C6orf89: variants seen among roughly 807,000 people sequenced by gnomAD.
The protein encoded by C6orf89 is bombesin receptor-activated protein C6orf89.
A neutral mutation model predicts 40.7 loss-of-function variants in C6orf89; 29 were observed. The observed-to-expected ratio is 0.71, with a 90% CI of 0.53 to 0.97. C6orf89 has a LOEUF of 0.97. C6orf89 is among the 50% of genes least tolerant of loss of function. The probability of loss-of-function intolerance (pLI) is 0.00; values close to 1 mark genes in which losing one functional copy is unlikely to be tolerated. For synonymous variants in C6orf89, 165 were observed against 152.2 expected (o/e 1.08, Z -0.62); for missense variants, 392 against 429.1 (o/e 0.91, Z 0.76).
At chr6:36,902,879 CTGGGTA>C (rs1761776457) in intron 4 of C6orf89, among the ~76,000 whole-genome samples, 1 of 152,182 alleles carries the variant, frequency 6.6e-6, no homozygotes. Context: ...AGGTTTTTGT[CTGGGTA>C]TATCCCACTC....
At chr6:36,882,930 G>A (rs541216206), upstream of C6orf89, among the ~76,000 whole-genome samples, 14 of 151,404 alleles carry the variant, frequency 9.2e-5, no homozygotes, top group African/African-American at 1.9e-4. Flanking sequence ...TAGTAGAGAC[G>A]GGGTTTCACC....
At chr6:36,873,061 T>G (rs1774551640) in intron 1 of C6orf89, among the ~76,000 whole-genome samples, 1 of 152,236 alleles carries the variant, frequency 6.6e-6, no homozygotes, top group African/African-American at 2.4e-5. Flanking sequence ...CTGCTCCCAT[T>G]CAACACAGAT....
At chr6:36,920,330 A>G (rs1762470139) in intron 8 of C6orf89, among the ~76,000 whole-genome samples, 1 of 152,208 alleles carries the variant, frequency 6.6e-6, no homozygotes, top group Non-Finnish European at 1.5e-5. Flanking sequence ...TGTTCCAAAG[A>G]AACAGGTTTG....
At chr6:36,880,670 C>T (rs1231440671) in intron 2 of C6orf89, among the ~76,000 whole-genome samples, 1 of 152,150 alleles carries the variant, frequency 6.6e-6, no homozygotes. Context: ...ACTGCTTTGA[C>T]TTTTGAAAAT....
At chr6:36,900,044 C>T (rs911878329) in intron 3 of C6orf89, among the ~76,000 whole-genome samples, 15 of 152,036 alleles carry the variant, frequency 9.9e-5, no homozygotes, top group Non-Finnish European at 1.9e-4. Flanking sequence ...TGCGCCACCA[C>T]ACCCAGCTAA....
intron 4 of C6orf89, among the ~76,000 whole-genome samples, 200 bp from the exon 5 acceptor site, chr6:36,914,084 C>T (rs1476726946): frequency 6.6e-6 from 1 of 152,170 alleles, no homozygotes; most frequent in Admixed American, 6.5e-5. Context: ...TCCCTTGAAC[C>T]CAGGAGGCAG....
chr6:36,913,325 C>T (rs555571163), intron 4 of C6orf89, among the ~76,000 whole-genome samples: 19 of 152,302 alleles, frequency 1.2e-4, no homozygotes, highest in African/African-American at 4.3e-4. Context: ...GCCCCACCCC[C>T]TCCTGAGCTG....
chr6:36,919,516 C>A, intron 7 of C6orf89, 62 bp from the exon 8 acceptor site: 2 of 1,556,402 alleles, frequency 1.3e-6, no homozygotes, highest in Non-Finnish European at 1.8e-6. Context: ...TTTACTAAAC[C>A]CCCTGGTTTT....
chr6:36,874,835 A>G (rs866672148), intron 1 of C6orf89: 1 of 1,567,242 alleles, frequency 6.4e-7, no homozygotes, highest in Non-Finnish European at 8.7e-7. Context: ...TTAGCTGGGG[A>G]CCCGTCGCTG....
chr6:36,889,214 A>G (rs1404146393), intron 1 of C6orf89, among the ~76,000 whole-genome samples: 1 of 152,210 alleles, frequency 6.6e-6, no homozygotes, highest in African/African-American at 2.4e-5. Flanking sequence ...CAGCTGCTGC[A>G]GAGAGGTCAG....
intron 1 of C6orf89, among the ~76,000 whole-genome samples, chr6:36,888,504 C>T (rs1775075791): frequency 1.3e-5 from 2 of 152,092 alleles, no homozygotes; most frequent in Admixed American, 1.3e-4. Flanking sequence ...TGTGGTGGCG[C>T]GTGCCTGTAC....
Position 36,925,579 on chromosome 6 carries a change from C to G in C6orf89, c.*2138C>G, listed in dbSNP as rs1583211634. 1 of 152,298 alleles carries G rather than the reference C, an allele frequency of 6.6e-6. No homozygotes were observed. The highest frequency in any genetic ancestry group is 2.4e-5 in the African/African-American group (1 of 41,572). The allele number at this position is 152,298 out of a possible 1,614,324, so 9.4% of individuals were successfully genotyped here. On this transcript the variant is annotated 3_prime_UTR_variant, in exon 9 of 9. Transcript: ENST00000480824. Reference sequence around the variant, plus strand: ...ATATACTACTCATTTTACTTAAAATCTACCCAGTTCAGACTTGAATGTAAA... The same window carrying G: ...ATATACTACTCATTTTACTTAAAATGTACCCAGTTCAGACTTGAATGTAAA...
In C6orf89 at chr6:36,910,390, A is replaced by T. The variant is rs548108126; in HGVS notation, c.404-3894A>T. On this transcript the variant is annotated intron_variant, in intron 4 of 8. Transcript: ENST00000480824. Reference sequence around the variant, plus strand: ...ATAGATGGTCACTTGTCCCAATTTGATTTATTGAATCTACCCTTTCCTCAC... The same window carrying T: ...ATAGATGGTCACTTGTCCCAATTTGTTTTATTGAATCTACCCTTTCCTCAC... 5.3e-5 allele frequency among the ~76,000 whole-genome samples: 8 copies of T among 152,256 alleles called. No homozygotes were observed. The South Asian group carries it at 1.2e-3, about 24-fold the overall frequency.
chr6:36,910,706 G>C (rs577363516), intron 4 of C6orf89, among the ~76,000 whole-genome samples: 1 of 150,290 alleles, frequency 6.7e-6, no homozygotes, highest in African/African-American at 2.5e-5. Context: ...CAGCCTGGGC[G>C]ACAGAGCAAG....
chr6:36,899,743 G>A lies in C6orf89; in HGVS notation c.189+110G>A, dbSNP rs1583167919. The A allele has an allele frequency of 2.8e-6, 3 of 1,079,106 alleles. No individual in the cohort carries two copies. The East Asian group carries it at 7.8e-5, about 28-fold the overall frequency. The allele number at this position is 1,079,106 out of a possible 1,614,324, so 66.8% of individuals were successfully genotyped here. On this transcript the variant is annotated intron_variant, in intron 3 of 8. Coordinates refer to ENST00000480824, the MANE Select transcript of C6orf89 (RefSeq NM_001286635.2). ...CACCACTGAGCATTGGTTTTTCCGTGAATAAATTGGCCTTTGCTCTTGTTA... is the reference window on the plus strand; with the variant it reads ...CACCACTGAGCATTGGTTTTTCCGTAAATAAATTGGCCTTTGCTCTTGTTA...
In C6orf89 at chr6:36,875,004, G is replaced by A. The variant is rs1774614169; in HGVS notation, c.-628+3037G>A. 1.3e-5 allele frequency: 7 copies of A among 542,418 alleles called. No homozygotes were observed. The South Asian group carries it at 1.6e-4, about 13-fold the overall frequency. The allele number at this position is 542,418 out of a possible 1,614,324, so 33.6% of individuals were successfully genotyped here. ...GGAAAATGCAAACTTCATTCGCGGT[G>A]GTCTCCAAGTGGCGATACCGCGCCA... is the stretch of plus-strand genomic sequence containing the variant. On this transcript the variant is annotated intron_variant, in intron 1 of 9. Coordinates refer to the C6orf89 transcript ENST00000359359.
At chr6:36,882,338 C>T (rs146613115), upstream of C6orf89, among the ~76,000 whole-genome samples, 187 of 152,290 alleles carry the variant, frequency 1.2e-3, 2 homozygotes, top group Admixed American at 9.9e-3. Context: ...TTTAAATATA[C>T]AATTTGAATG....
At chr6:36,904,429 AT>A (rs1761850000) in intron 4 of C6orf89, among the ~76,000 whole-genome samples, 1 of 152,218 alleles carries the variant, frequency 6.6e-6, no homozygotes, top group African/African-American at 2.4e-5. Flanking sequence ...TGTTGATTCT[AT>A]TAAAGTGCTG....
Position 36,902,340 on chromosome 6 carries a change from C to T in C6orf89, c.309C>T (p.His103=), listed in dbSNP as rs777852708. ...ACACCTGGCGCTCACTCATCCATCACATTAGGCTGATGTCCTTGCCCATTG... is the reference window on the plus strand; with the variant it reads ...ACACCTGGCGCTCACTCATCCATCATATTAGGCTGATGTCCTTGCCCATTG... The part of the protein sequence containing the change: ...GAHTWRSLIH[H]IRLMSLPIAK... Residue 103 remains histidine (H), a synonymous_variant, in exon 4 of 9, where the codon CAC becomes CAT. Transcript: ENST00000480824. 72 of 1,614,092 alleles carry T rather than the reference C, an allele frequency of 4.5e-5. No homozygotes were observed. The highest frequency in any genetic ancestry group is 5.8e-5 in the Non-Finnish European group (69 of 1,180,048).
Sources: gnomAD v4.1 joint callset for allele counts (sites outside exome capture counted in the v4.1 genomes callset) on GRCh38, gnomAD v4.1.1 for gene constraint, MANE v1.5 for transcripts, NCBI Gene and HGNC (gene_info 2026-07-23, HGNC 2026-07-21) for gene names.